Variants in DNAH3 observed in about 807,000 individuals in gnomAD.
DNAH3 encodes axonemal beta dynein heavy chain 3.
DNAH3 carries 332 observed loss-of-function variants against 432.5 expected under a neutral mutation model. That is an observed-to-expected ratio of 0.77 (90% confidence interval 0.70 to 0.84). DNAH3 has a LOEUF of 0.84. Among genes scored for constraint, DNAH3 ranks in the 40% least tolerant of loss-of-function variants. The probability of loss-of-function intolerance (pLI) is 0.00; values close to 1 mark genes in which losing one functional copy is unlikely to be tolerated. For missense variants in DNAH3, 4,861 were observed against 5,114.0 expected, an observed-to-expected ratio of 0.95 and a Z score of 1.51; for synonymous variants, 1,956 against 1,900.2, an observed-to-expected ratio of 1.03 and a Z score of -0.76.
At chr16:21,014,470 A>G (rs575895258) in intron 41 of DNAH3, among the ~76,000 whole-genome samples, 83 of 152,350 alleles carry the variant, frequency 5.4e-4, no homozygotes, top group African/African-American at 1.9e-3. Context: ...GATAAAGAAT[A>G]CCAATGAAAA....
chr16:21,028,779 T>C (rs918983956), intron 37 of DNAH3, among the ~76,000 whole-genome samples: 1 of 152,218 alleles, frequency 6.6e-6, no homozygotes, highest in African/African-American at 2.4e-5. Context: ...CACTGTTTCC[T>C]ACTCACGAAA....
intron 53 of DNAH3, 53 bp downstream of exon 53, chr16:20,963,231 C>A (rs774403967): frequency 3.8e-5 from 59 of 1,535,368 alleles, no homozygotes; most frequent in Non-Finnish European, 4.9e-5. Flanking sequence ...CTACTGATAT[C>A]CACCCACACA....
intron 6 of DNAH3, among the ~76,000 whole-genome samples, chr16:21,135,302 T>C (rs1488038119): frequency 2.0e-5 from 3 of 152,160 alleles, no homozygotes; most frequent in Non-Finnish European, 4.4e-5. Context: ...ATCCATTATA[T>C]TTACAAATAG....
intron 41 of DNAH3, among the ~76,000 whole-genome samples, chr16:21,016,454 A>T (rs1382376445): frequency 1.3e-5 from 2 of 152,200 alleles, no homozygotes; most frequent in African/African-American, 4.8e-5. Context: ...AAAAAATAAG[A>T]ATGAACTTCA....
At position 21,122,141 on chromosome 16, in the gene DNAH3, G is replaced by A. The variant is rs373128527; in HGVS notation, c.1405-17C>T. 2 of 1,593,548 alleles carry A rather than the reference G, an allele frequency of 1.3e-6. No homozygotes were observed. The highest frequency in any genetic ancestry group is 2.7e-5 in the African/African-American group (2 of 73,958). ...ATTCCCATCCTTCAGGAGACATAAG[G>A]TAGGGCAAGCGTTACAAAATTGGGC... On this transcript the variant is annotated splice_polypyrimidine_tract_variant and intron_variant, in intron 9 of 61. Coordinates refer to ENST00000261383, the Ensembl canonical transcript of DNAH3.
chr16:21,018,322 T>C (rs2087967313), intron 41 of DNAH3, among the ~76,000 whole-genome samples: 1 of 152,322 alleles, frequency 6.6e-6, no homozygotes, highest in South Asian at 2.1e-4. Context: ...CTTTTTGTTC[T>C]AGGAATATAG....
intron 27 of DNAH3, among the ~76,000 whole-genome samples, chr16:21,055,411 T>A (rs538937663): frequency 2.0e-5 from 3 of 152,140 alleles, no homozygotes; most frequent in African/African-American, 7.2e-5. Flanking sequence ...GAAAGGTCTA[T>A]AGAGTAGAGA....
chr16:21,108,760 C>T (rs1442530147), intron 14 of DNAH3, among the ~76,000 whole-genome samples: 2 of 150,954 alleles, frequency 1.3e-5, no homozygotes, highest in Non-Finnish European at 3.0e-5. Flanking sequence ...TAAAAAGTGT[C>T]CGAGTAGTGT....
At chr16:21,136,590 A>G in intron 5 of DNAH3, 77 bp from the exon 7 acceptor site, 1 of 1,339,358 alleles carries the variant, frequency 7.5e-7, no homozygotes, top group Non-Finnish European at 1.1e-6. Flanking sequence ...ATCAGCTGCC[A>G]AGGGACCCCA....
chr16:21,072,527 A>G (rs1357612925), intron 21 of DNAH3, among the ~76,000 whole-genome samples: 2 of 151,900 alleles, frequency 1.3e-5, no homozygotes, highest in Non-Finnish European at 2.9e-5. Flanking sequence ...GGGTTTCACC[A>G]TGTTGGCAAG....
rs139063727 is a variant in DNAH3, at chr16:21,070,755, G to A, written c.3156C>T (p.Thr1052=). The A allele has an allele frequency of 1.2e-4, 187 of 1,613,268 alleles. No individual in the cohort carries two copies. The African/African-American group carries it at 2.3e-3, about 20-fold the overall frequency. ...GTTTGATGAATGGGGAGCCACACAT[G>A]GTCTGGGTCTTTATCACGTGATCAT... Residue 1052 remains threonine (T), a synonymous_variant, in exon 22 of 62, where the codon ACC becomes ACT. Transcript: ENST00000261383.
chr16:21,145,341 G>A, exon 3 of DNAH3: 1 of 1,614,200 alleles, frequency 6.2e-7, no homozygotes. Flanking sequence ...GTTCTTTGAA[G>A]GGTGCAGCCA....
At chr16:21,056,296 T>C (rs2152747547) in intron 27 of DNAH3, among the ~76,000 whole-genome samples, 1 of 152,278 alleles carries the variant, frequency 6.6e-6, no homozygotes, top group Middle Eastern at 3.4e-3. Flanking sequence ...GGTCTTTTCT[T>C]AGACACCACT....
intron 41 of DNAH3, among the ~76,000 whole-genome samples, chr16:21,010,713 C>G (rs2087552177): frequency 6.6e-6 from 1 of 151,872 alleles, no homozygotes. Flanking sequence ...CATCATGGGC[C>G]CTCATGGACA....
rs548689225 is a variant in DNAH3, at chr16:20,948,102, T to G, written c.11343+381A>C. Among the ~76,000 whole-genome samples the G allele has an allele frequency of 4.9e-4, 74 of 152,298 alleles. No individual in the cohort carries two copies. The South Asian group carries it at 0.015, about 31-fold the overall frequency. Reference sequence around the variant, plus strand: ...GTAAGCTCTTTTCTATCCCTCAGATTGTTTTCATCTTCCTTTTGTCATTCC... The same window carrying G: ...GTAAGCTCTTTTCTATCCCTCAGATGGTTTTCATCTTCCTTTTGTCATTCC... On this transcript the variant is annotated intron_variant, in intron 57 of 61. Transcript: ENST00000261383.
chr16:20,991,623 T>TA (rs1394553550), intron 44 of DNAH3, among the ~76,000 whole-genome samples: 3 of 152,198 alleles, frequency 2.0e-5, no homozygotes, highest in Admixed American at 2.0e-4. Context: ...ATTCCTTTCT[T>TA]ACGTGTCTTA....
chr16:21,105,585 G>C (rs1022439318), intron 15 of DNAH3, among the ~76,000 whole-genome samples: 2 of 152,104 alleles, frequency 1.3e-5, no homozygotes, highest in African/African-American at 4.8e-5. Flanking sequence ...GGCCAACATG[G>C]AGAAACTCTG....
chr16:21,033,843 CATGTTCT>C (rs2089019666), intron 36 of DNAH3, 124 bp downstream of exon 36: 4 of 602,246 alleles, frequency 6.6e-6, no homozygotes, highest in Non-Finnish European at 8.8e-6. Flanking sequence ...ATCTGTGTGC[CATGTTCT>C]ATTTCTAGCT....
At chr16:20,986,988 A>G (rs1443930385) in intron 47 of DNAH3, among the ~76,000 whole-genome samples, 5 of 152,224 alleles carry the variant, frequency 3.3e-5, no homozygotes, top group African/African-American at 4.8e-5. Flanking sequence ...TGTACAGTTC[A>G]TTTCTCAACT....
Sources: allele counts gnomAD v4.1 joint callset (sites outside exome capture counted in the v4.1 genomes callset), GRCh38; gene constraint gnomAD v4.1.1; transcripts MANE v1.5; gene names NCBI Gene and HGNC (gene_info 2026-07-23, HGNC 2026-07-21).